PEBP4: variants seen among roughly 807,000 people sequenced by gnomAD.
The protein encoded by PEBP4 is phosphatidylethanolamine binding protein 4.
A neutral mutation model predicts 23.9 loss-of-function variants in PEBP4; 22 were observed. The observed-to-expected ratio is 0.92, with a 90% CI of 0.66 to 1.31. The LOEUF (loss-of-function observed/expected upper bound fraction) is 1.31, where lower values mean the gene tolerates loss of function less well. PEBP4 is among the 40% of genes most tolerant of loss of function. The probability of loss-of-function intolerance (pLI) is 0.00; values close to 1 mark genes in which losing one functional copy is unlikely to be tolerated. For missense variants in PEBP4, 324 were observed against 281.7 expected (o/e 1.15, Z -1.07); for synonymous variants, 112 against 99.3 (o/e 1.13, Z -0.76).
rs1230012735 is a variant in PEBP4, at chr8:22,778,815, G to A, written c.357+38822C>T. ...TGGCCTTCTCTCCTTGCTCTGCTGA[G>A]GCCATCTGAAGGGGGATTTTTCGGG... On this transcript the variant is annotated intron_variant, in intron 4 of 6. Coordinates refer to ENST00000256404, the MANE Select transcript of PEBP4 (RefSeq NM_144962.3). 5.3e-5 allele frequency among the ~76,000 whole-genome samples: 8 copies of A among 152,272 alleles called. No homozygotes were observed. The South Asian group carries it at 1.5e-3, about 28-fold the overall frequency.
chr8:22,918,557 G>GA lies in PEBP4; in HGVS notation c.258+1626dup, dbSNP rs539396041. ...TGCTCTGGAGGACACCAGGTGCTCA[G>GA]AAAAGTCTACACTGCCATCTAGTGG... On this transcript the variant is annotated intron_variant, in intron 3 of 6. Transcript: ENST00000256404. 7.0e-4 allele frequency among the ~76,000 whole-genome samples: 107 copies of GA among 152,268 alleles called. 1 individual carries two copies. The highest frequency in any genetic ancestry group is 2.6e-3 in the African/African-American group (107 of 41,540).
intron 3 of PEBP4, chr8:22,897,803 C>G (rs1229689806): frequency 6.6e-6 from 1 of 152,174 alleles, no homozygotes; most frequent in Non-Finnish European, 1.5e-5. Flanking sequence ...ATGAAATGAA[C>G]CATGTCTCCC....
chr8:22,741,783 G>A (rs1805001187), intron 4 of PEBP4, among the ~76,000 whole-genome samples: 1 of 152,234 alleles, frequency 6.6e-6, no homozygotes, highest in Admixed American at 6.5e-5. Flanking sequence ...GGGGTTGGGG[G>A]CAGCCCATAC....
intron 3 of PEBP4, among the ~76,000 whole-genome samples, chr8:22,906,780 A>G (rs942855488): frequency 1.3e-5 from 2 of 152,284 alleles, no homozygotes; most frequent in African/African-American, 2.4e-5. Flanking sequence ...GACTGTTCGA[A>G]TGCTTGGTAT....
At chr8:22,931,251 C>T (rs1304569350), upstream of PEBP4, among the ~76,000 whole-genome samples, 2 of 152,212 alleles carry the variant, frequency 1.3e-5, no homozygotes, top group African/African-American at 4.8e-5. Context: ...ATATAATTCA[C>T]ACATAAAATT....
intron 3 of PEBP4, among the ~76,000 whole-genome samples, chr8:22,860,209 C>CATATATATGTATATATGTATACACAT (rs200272561): frequency 9.4e-6 from 1 of 106,204 alleles, no homozygotes; most frequent in African/African-American, 4.1e-5. Context: ...TATATATACA[C>CATATATATGTATATATGTATACACAT]ATATATGTAT....
intron 4 of PEBP4, among the ~76,000 whole-genome samples, chr8:22,798,297 T>C (rs1806307073): frequency 6.6e-6 from 1 of 152,124 alleles, no homozygotes; most frequent in South Asian, 2.1e-4. Context: ...AGTAAACAAC[T>C]TGCCGGTGAA....
chr8:22,722,250 C>T (rs1053491808), intron 6 of PEBP4, among the ~76,000 whole-genome samples: 2 of 152,194 alleles, frequency 1.3e-5, no homozygotes, highest in African/African-American at 4.8e-5. Flanking sequence ...ATTCAGATCT[C>T]CTCCTTCTCT....
At chr8:22,753,807 G>A (rs1035769174) in intron 4 of PEBP4, among the ~76,000 whole-genome samples, 9 of 152,232 alleles carry the variant, frequency 5.9e-5, no homozygotes, top group Non-Finnish European at 5.9e-5. Flanking sequence ...TGTGTGGGAG[G>A]TGTGAGGGGC....
chr8:22,795,178 T>C (rs1191278541), intron 4 of PEBP4, among the ~76,000 whole-genome samples: 1 of 88,248 alleles, frequency 1.1e-5, no homozygotes, highest in Non-Finnish European at 2.2e-5. Flanking sequence ...TTTTTTTTTT[T>C]TTTTTTTTTT....
At chr8:22,821,172 G>A (rs968072812) in intron 3 of PEBP4, among the ~76,000 whole-genome samples, 1 of 152,190 alleles carries the variant, frequency 6.6e-6, no homozygotes, top group Non-Finnish European at 1.5e-5. Context: ...GGATGACAGA[G>A]TGAGACCCTG....
Position 22,915,416 on chromosome 8 carries a change from T to A in PEBP4, c.258+4768A>T, listed in dbSNP as rs1291693795. Among the ~76,000 whole-genome samples, 8 of 133,766 alleles carry A rather than the reference T, an allele frequency of 6.0e-5. No homozygotes were observed. In the East Asian group the frequency reaches 2.1e-3, roughly 35 times the overall value. The allele number at this position is 133,766 out of a possible 152,430, so 87.8% of individuals were successfully genotyped here. On this transcript the variant is annotated intron_variant, in intron 3 of 6. Coordinates refer to ENST00000256404, the MANE Select transcript of PEBP4 (RefSeq NM_144962.3). The stretch of plus-strand genomic sequence containing the variant: ...ACCCCCGACCCAACCACAAGCCTCA[T>A]CCCTCACCTCACCATCCTGGCTCCC...
At chr8:22,892,717 C>G (rs1301272010) in intron 3 of PEBP4, among the ~76,000 whole-genome samples, 1 of 152,074 alleles carries the variant, frequency 6.6e-6, no homozygotes, top group Non-Finnish European at 1.5e-5. Flanking sequence ...CCAGATTTAC[C>G]CTACCACCTG....
At chr8:22,903,322 G>A (rs944358255) in intron 3 of PEBP4, among the ~76,000 whole-genome samples, 1 of 152,174 alleles carries the variant, frequency 6.6e-6, no homozygotes, top group African/African-American at 2.4e-5. Flanking sequence ...CTATAAAACG[G>A]GGATAATGAT....
intron 4 of PEBP4, among the ~76,000 whole-genome samples, chr8:22,763,913 G>T (rs1039720085): frequency 2.6e-5 from 4 of 152,198 alleles, no homozygotes; most frequent in African/African-American, 9.7e-5. Flanking sequence ...AATGCCAGGT[G>T]TGGAGAGAGC....
intron 4 of PEBP4, among the ~76,000 whole-genome samples, chr8:22,793,172 A>G (rs1335740863): frequency 2.6e-5 from 4 of 152,154 alleles, no homozygotes; most frequent in Non-Finnish European, 2.9e-5. Flanking sequence ...TGCTCTAATT[A>G]CTTTTCATTT....
intron 3 of PEBP4, among the ~76,000 whole-genome samples, chr8:22,916,693 C>T (rs377646430): frequency 2.0e-5 from 3 of 152,022 alleles, no homozygotes; most frequent in Admixed American, 6.5e-5. Context: ...CATGCATTCA[C>T]CTGTTCACTC....
intron 4 of PEBP4, among the ~76,000 whole-genome samples, chr8:22,744,087 C>T (rs1805058273): frequency 6.6e-6 from 1 of 152,236 alleles, no homozygotes; most frequent in African/African-American, 2.4e-5. Flanking sequence ...CCCTGAGAGA[C>T]TCAAGTTGTT....
intron 6 of PEBP4, among the ~76,000 whole-genome samples, chr8:22,723,609 G>T (rs567188411): frequency 6.6e-6 from 1 of 152,346 alleles, no homozygotes; most frequent in East Asian, 1.9e-4. Context: ...GGGTGCTGGA[G>T]ACAGTTTTTC....
Sources: allele counts gnomAD v4.1 joint callset (sites outside exome capture counted in the v4.1 genomes callset), GRCh38; gene constraint gnomAD v4.1.1; transcripts MANE v1.5; gene names NCBI Gene and HGNC (gene_info 2026-07-23, HGNC 2026-07-21).